Variants in CMTM4 observed in about 807,000 individuals in gnomAD.
CMTM4 encodes the protein CKLF like MARVEL transmembrane domain containing 4.
Under a neutral mutation model 19.0 loss-of-function variants are expected in CMTM4, and 8 were observed. That is an observed-to-expected ratio of 0.42 (90% CI 0.25 to 0.76). The LOEUF (loss-of-function observed/expected upper bound fraction) is 0.76. Among genes scored for constraint, CMTM4 ranks in the 30% least tolerant of loss-of-function variants. The pLI, the probability that CMTM4 is intolerant of heterozygous loss-of-function variation, is 0.27. For missense variants in CMTM4, 228 were observed against 290.2 expected, an observed-to-expected ratio of 0.79 and a Z score of 1.56; for synonymous variants, 106 against 121.1, an observed-to-expected ratio of 0.88 and a Z score of 0.82.
downstream of CMTM4, among the ~76,000 whole-genome samples, chr16:66,611,314 A>T (rs553670808): frequency 3.3e-5 from 5 of 152,236 alleles, no homozygotes; most frequent in South Asian, 1.0e-3. Context: ...TCAGCCAGGC[A>T]TGGTGGTGCC....
intron 1 of CMTM4, among the ~76,000 whole-genome samples, chr16:66,683,928 C>T (rs1039206765): frequency 1.3e-5 from 2 of 151,992 alleles, no homozygotes; most frequent in Middle Eastern, 3.2e-3. Context: ...AATAGCTAAG[C>T]GGGCATTTTC....
chr16:66,680,478 CAAA>C (rs1333416836), intron 1 of CMTM4, among the ~76,000 whole-genome samples: 1 of 96,794 alleles, frequency 1.0e-5, no homozygotes. Context: ...GACTCCATCT[CAAA>C]AAAAAAAAAA....
At chr16:66,602,765 T>C in the CMTM4 span, among the ~76,000 whole-genome samples, 1 of 152,108 alleles carries the variant, frequency 6.6e-6, no homozygotes, top group Non-Finnish European at 1.5e-5. Context: ...CAAGCTGGTC[T>C]CGAACTCCTG....
chr16:66,630,484 G>C (rs565803197), intron 2 of CMTM4, among the ~76,000 whole-genome samples: 11 of 151,864 alleles, frequency 7.2e-5, no homozygotes, highest in Admixed American at 6.5e-4. Context: ...GATTGCAGGC[G>C]CGCGCCGCCA....
At chr16:66,623,770 A>G (rs2015683114) in intron 2 of CMTM4, among the ~76,000 whole-genome samples, 5 of 152,216 alleles carry the variant, frequency 3.3e-5, no homozygotes, top group Admixed American at 3.3e-4. Context: ...AATTGCTAAC[A>G]CTAATTACCA....
At chr16:66,626,533 G>A (rs1237275322) in intron 2 of CMTM4, among the ~76,000 whole-genome samples, 7 of 152,204 alleles carry the variant, frequency 4.6e-5, no homozygotes, top group African/African-American at 1.7e-4. Flanking sequence ...TAGAGGCCAG[G>A]GGGCGGAGAT....
intron 1 of CMTM4, among the ~76,000 whole-genome samples, chr16:66,655,926 A>G (rs773981363): frequency 1.3e-5 from 2 of 152,160 alleles, no homozygotes; most frequent in Non-Finnish European, 2.9e-5. Context: ...CCTGAGCAAC[A>G]TAGTGAGACA....
intron 1 of CMTM4, among the ~76,000 whole-genome samples, chr16:66,658,209 AAGGGAGGT>A (rs2016433145): frequency 7.0e-6 from 1 of 142,466 alleles, no homozygotes; most frequent in Non-Finnish European, 1.5e-5. Context: ...AAAGGGAAAG[AAGGGAGGT>A]AGGGAGGGAG....
intron 1 of CMTM4, among the ~76,000 whole-genome samples, chr16:66,675,644 C>G (rs1284391691): frequency 6.6e-6 from 1 of 151,976 alleles, no homozygotes; most frequent in African/African-American, 2.4e-5. Context: ...AAACCAACAG[C>G]TGAAGCTTTT....
At position 66,621,155 on chromosome 16, in the gene CMTM4, T is replaced by C. The variant is rs574396159; in HGVS notation, c.*903A>G. The stretch of plus-strand genomic sequence containing the variant: ...TCCCTAAAATAGAGGGGTGTGTGTG[T>C]GCATGTGTGCGCGCACGCGTGTGCA... On this transcript the variant is annotated 3_prime_UTR_variant, in exon 4 of 4. Transcript: ENST00000394106. 2 of 985,782 alleles carry C rather than the reference T, an allele frequency of 2.0e-6. No homozygotes were observed. The highest frequency in any genetic ancestry group is 1.1e-4 in the East Asian group (1 of 8,808). 61.1% of individuals were successfully genotyped at this position (985,782 alleles called of 1,614,324 possible).
chr16:66,632,270 G>A (rs1046984445), intron 2 of CMTM4, among the ~76,000 whole-genome samples: 1 of 152,194 alleles, frequency 6.6e-6, no homozygotes, highest in South Asian at 2.1e-4. Context: ...GGAACACGGA[G>A]GCCCCGTCCC....
chr16:66,642,722 AAACAAACG>A (rs2144822906), intron 1 of CMTM4, among the ~76,000 whole-genome samples: 1 of 152,142 alleles, frequency 6.6e-6, no homozygotes, highest in East Asian at 1.9e-4. Flanking sequence ...TCACCAAAAC[AAACAAACG>A]AACAAACAAA....
At chr16:66,610,137 T>C, downstream of CMTM4, 1 of 1,120,654 alleles carries the variant, frequency 8.9e-7, no homozygotes, top group Non-Finnish European at 1.3e-6. This position sits in a 1 kb window ranked among gnomAD's most constrained non-coding sequence, Gnocchi z 4.6. Flanking sequence ...CACAGCCCAT[T>C]CTCACCTACC....
intron 1 of CMTM4, among the ~76,000 whole-genome samples, chr16:66,644,614 T>G (rs1009445781): frequency 6.6e-6 from 1 of 152,072 alleles, no homozygotes; most frequent in African/African-American, 2.4e-5. Context: ...AAATCATGAG[T>G]CTTAAGCTCC....
At chr16:66,647,803 TG>T (rs113213015) in intron 1 of CMTM4, among the ~76,000 whole-genome samples, 6,569 of 152,226 alleles carry the variant, frequency 0.043, 268 homozygotes, top group East Asian at 0.16. Flanking sequence ...CCCGAGTAGC[TG>T]GGATTACAGG....
At chr16:66,637,400 C>A (rs925337550) in intron 1 of CMTM4, among the ~76,000 whole-genome samples, 1 of 152,034 alleles carries the variant, frequency 6.6e-6, no homozygotes, top group Non-Finnish European at 1.5e-5. Context: ...CAAAATCAGC[C>A]GGGTGTGGTG....
chr16:66,675,472 A>C (rs2016794333), intron 1 of CMTM4, among the ~76,000 whole-genome samples: 1 of 151,302 alleles, frequency 6.6e-6, no homozygotes, highest in Non-Finnish European at 1.5e-5. Flanking sequence ...AAAAAAAAAA[A>C]AAAAACCTGC....
At chr16:66,653,622 A>C (rs150319564) in intron 1 of CMTM4, among the ~76,000 whole-genome samples, 3 of 152,174 alleles carry the variant, frequency 2.0e-5, no homozygotes, top group African/African-American at 7.2e-5. Flanking sequence ...TAAAAAGTCT[A>C]TATTTGCTGA....
intron 1 of CMTM4, among the ~76,000 whole-genome samples, chr16:66,679,526 A>G (rs1220456895): frequency 6.6e-6 from 1 of 152,110 alleles, no homozygotes; most frequent in Non-Finnish European, 1.5e-5. Context: ...AAGTCAATGT[A>G]AGATGGGACT....
Sources: gnomAD v4.1 joint callset for allele counts (sites outside exome capture counted in the v4.1 genomes callset) on GRCh38, gnomAD v4.1.1 for gene constraint, Gnocchi (gnomAD v3.1) non-coding constraint, MANE v1.5 for transcripts, NCBI Gene and HGNC (gene_info 2026-07-23, HGNC 2026-07-21) for gene names.